Variants in TRDN observed in about 807,000 individuals in gnomAD.
TRDN encodes triadin.
TRDN carries 161 observed loss-of-function variants against 149.7 expected under a neutral mutation model. The ratio of observed to expected loss-of-function variants is 1.08; its 90% CI spans 0.95 to 1.23. The LOEUF is 1.23. Among genes scored for constraint, TRDN ranks in the 50% most tolerant of loss-of-function variants. The probability of loss-of-function intolerance (pLI) is 0.00; values close to 1 mark genes in which losing one functional copy is unlikely to be tolerated. For missense variants in TRDN, 896 were observed against 823.5 expected (o/e 1.09, Z -1.08); for synonymous variants, 294 against 250.5 (o/e 1.17, Z -1.64).
chr6:123,441,073 T>C (rs972862801), intron 10 of TRDN: 4 of 152,206 alleles, frequency 2.6e-5, no homozygotes, highest in Admixed American at 2.6e-4. Flanking sequence ...TTATTCATGC[T>C]GAATTTCATT....
chr6:123,478,521 G>A (rs1583114369), intron 9 of TRDN, among the ~76,000 whole-genome samples: 1 of 152,140 alleles, frequency 6.6e-6, no homozygotes, highest in Non-Finnish European at 1.5e-5. Context: ...TATAGGTAAG[G>A]AAAATGGGAG....
chr6:123,269,976 G>T (rs60659407), intron 30 of TRDN, 110 bp from the exon 31 acceptor site: 6 of 1,003,334 alleles, frequency 6.0e-6, no homozygotes, highest in Admixed American at 5.4e-5. Context: ...CACCTCCTTA[G>T]CTTAAACTTA....
At chr6:123,257,677 A>T (rs1031603837) in intron 35 of TRDN, among the ~76,000 whole-genome samples, 1 of 150,248 alleles carries the variant, frequency 6.7e-6, no homozygotes, top group Non-Finnish European at 1.5e-5. Context: ...TAATTCTGTG[A>T]ATTAGTAGCT....
At chr6:123,227,394 T>G (rs148203696) in intron 38 of TRDN, among the ~76,000 whole-genome samples, 1 of 151,982 alleles carries the variant, frequency 6.6e-6, no homozygotes, top group East Asian at 2.0e-4. Flanking sequence ...CACTCCCAAC[T>G]ACAATGAAGT....
chr6:123,553,037 G>A (rs1046449188), intron 2 of TRDN, among the ~76,000 whole-genome samples: 3 of 152,110 alleles, frequency 2.0e-5, no homozygotes, highest in East Asian at 1.9e-4. Flanking sequence ...GATCTTATGC[G>A]TAATACATGA....
At chr6:123,332,673 A>G (rs1156977646) in intron 22 of TRDN, among the ~76,000 whole-genome samples, 1 of 152,126 alleles carries the variant, frequency 6.6e-6, no homozygotes, top group Non-Finnish European at 1.5e-5. Context: ...AATGCTCAAT[A>G]AAGATTTTAT....
At chr6:123,366,809 C>T (rs140079567) in intron 19 of TRDN, among the ~76,000 whole-genome samples, 211 of 152,232 alleles carry the variant, frequency 1.4e-3, no homozygotes, top group African/African-American at 4.7e-3. Context: ...TGAGCCACCA[C>T]GCCCGGCCAT....
At chr6:123,628,276 T>C (rs892942471) in intron 1 of TRDN, among the ~76,000 whole-genome samples, 4 of 152,080 alleles carry the variant, frequency 2.6e-5, no homozygotes, top group African/African-American at 9.7e-5. Context: ...TTGTAGGTTA[T>C]TAATTTTCCT....
intron 23 of TRDN, among the ~76,000 whole-genome samples, chr6:123,322,566 A>C (rs1471812840): frequency 6.6e-6 from 1 of 151,244 alleles, no homozygotes; most frequent in Non-Finnish European, 1.5e-5. Context: ...TGAAGGGAGC[A>C]TTGGCGAACA....
intron 1 of TRDN, among the ~76,000 whole-genome samples, chr6:123,580,317 T>C (rs1378694612): frequency 6.6e-6 from 1 of 152,134 alleles, no homozygotes; most frequent in Non-Finnish European, 1.5e-5. Flanking sequence ...AGAGCATAAC[T>C]ATGTAAAATC....
At chr6:123,441,139 T>C (rs1245158517) in intron 10 of TRDN, 2 of 152,208 alleles carry the variant, frequency 1.3e-5, no homozygotes, top group African/African-American at 2.4e-5. Context: ...GTCTCTGTTA[T>C]ATAGGTGATT....
intron 2 of TRDN, among the ~76,000 whole-genome samples, chr6:123,559,011 A>T (rs1781830230): frequency 6.6e-6 from 1 of 151,942 alleles, no homozygotes; most frequent in South Asian, 2.1e-4. Context: ...TGGAAATCGG[A>T]CTCACCCGGC....
intron 16 of TRDN, among the ~76,000 whole-genome samples, chr6:123,380,695 G>GTA (rs1320235011): frequency 2.1e-5 from 3 of 142,798 alleles, no homozygotes; most frequent in African/African-American, 7.8e-5. Flanking sequence ...TTTTAATAGT[G>GTA]TATTGAATAA....
chr6:123,284,307 C>T (rs1198779184), intron 24 of TRDN, among the ~76,000 whole-genome samples: 1 of 151,608 alleles, frequency 6.6e-6, no homozygotes, highest in Non-Finnish European at 1.5e-5. Context: ...ATCAAAAAGA[C>T]AATCCATCAT....
At chr6:123,256,263 T>G (rs1776558014) in intron 35 of TRDN, among the ~76,000 whole-genome samples, 1 of 152,196 alleles carries the variant, frequency 6.6e-6, no homozygotes, top group South Asian at 2.1e-4. Flanking sequence ...GCAAAGGACA[T>G]GAACTCATTC....
chr6:123,562,630 A>G (rs999790766), intron 2 of TRDN, among the ~76,000 whole-genome samples: 3 of 152,224 alleles, frequency 2.0e-5, no homozygotes, highest in Admixed American at 2.0e-4. Context: ...TATATCAGCC[A>G]AAAGAGACTA....
At chr6:123,616,844 A>T (rs1562429419) in intron 1 of TRDN, among the ~76,000 whole-genome samples, 2 of 150,598 alleles carry the variant, frequency 1.3e-5, no homozygotes, top group East Asian at 1.9e-4. Context: ...TCTGATCCCC[A>T]TTTTTTTTTC....
In TRDN at chr6:123,230,920, C is replaced by G. The variant is rs549862876; in HGVS notation, c.1976-6789G>C. On this transcript the variant is annotated intron_variant, in intron 38 of 40. Coordinates refer to ENST00000334268, the MANE Select transcript of TRDN (RefSeq NM_006073.4). ...GAGATATTTTTCTGTGCCAGGTATG[C>G]TACTAGGTACTAGATTTTACACATG... 4.6e-5 allele frequency among the ~76,000 whole-genome samples: 7 copies of G among 152,008 alleles called. No individual in the cohort carries two copies. In the East Asian group the frequency reaches 1.4e-3, roughly 30 times the overall value.
At chr6:123,289,117 G>C (rs1432903411) in intron 24 of TRDN, among the ~76,000 whole-genome samples, 1 of 145,090 alleles carries the variant, frequency 6.9e-6, no homozygotes, top group Non-Finnish European at 1.5e-5. Context: ...TGTATGTATA[G>C]TGTATATATA....
Sources: allele counts gnomAD v4.1 joint callset (sites outside exome capture counted in the v4.1 genomes callset), GRCh38; gene constraint gnomAD v4.1.1; transcripts MANE v1.5; gene names NCBI Gene and HGNC (gene_info 2026-07-23, HGNC 2026-07-21).